Variants in SAMHD1 observed in about 807,000 individuals in gnomAD.
SAMHD1 encodes SAM and HD domain containing deoxynucleoside triphosphate triphosphohydrolase 1, also known as deoxynucleoside triphosphate triphosphohydrolase SAMHD1.
SAMHD1 carries 54 observed loss-of-function variants against 79.6 expected under a neutral mutation model. The observed-to-expected ratio is 0.68, with a 90% CI of 0.55 to 0.85. The LOEUF (loss-of-function observed/expected upper bound fraction) is 0.85. Ranked by LOEUF, SAMHD1 falls within the 40% of genes least tolerant of loss-of-function variation. The pLI is 0.00. For missense variants in SAMHD1, 663 were observed against 782.7 expected, an observed-to-expected ratio of 0.85 and a Z score of 1.82; for synonymous variants, 260 against 264.1, an observed-to-expected ratio of 0.98 and a Z score of 0.15.
rs372506100 is a variant in SAMHD1 at position 36,927,244 on chromosome 20, G to T, written c.634C>A (p.Pro212Thr). The T allele has an allele frequency of 6.2e-7, 1 of 1,613,150 alleles. No individual in the cohort carries two copies. The highest frequency in any genetic ancestry group is 8.5e-7 in the Non-Finnish European group (1 of 1,179,686). The change falls in exon 6 of 16, where the codon CCA becomes ACA. Residue 212 changes from proline to threonine, a missense_variant. By Grantham distance (38) the Pro-to-Thr change is conservative. Coordinates refer to ENST00000646673, the MANE Select transcript of SAMHD1 (RefSeq NM_015474.4). ...AGLCHDLGHG[P>T]FSHMFDGRFI... is the part of the protein sequence containing the mutation. The stretch of plus-strand genomic sequence containing the variant: ...CGTCCATCAAACATGTGAGAAAATG[G>T]CCCATGACCTTAAAAACAAAAGCAG...
Position 36,911,262 on chromosome 20 carries a change from A to C in SAMHD1, c.1226T>G (p.Ile409Ser), listed in dbSNP as rs1298983269. The C allele has an allele frequency of 6.2e-7, 1 of 1,613,472 alleles. No individual in the cohort carries two copies. Among genetic ancestry groups the C allele is most frequent in the African/African-American group, 1.3e-5 (1 of 75,054 alleles). The change falls in exon 11 of 16, where the codon ATT becomes AGT. Residue 409 changes from isoleucine to serine, a missense_variant. Coordinates refer to ENST00000646673, the MANE Select transcript of SAMHD1 (RefSeq NM_015474.4). Reference protein sequence around the residue: ...ITGAGGKKYRISTAIDDMEAY... With the variant: ...ITGAGGKKYRSSTAIDDMEAY... ...TTCCATGTCGTCAATTGCTGTAGAAATGCGATACTTTTTTCCTCCAGCACC... is the reference window on the plus strand; with the variant it reads ...TTCCATGTCGTCAATTGCTGTAGAACTGCGATACTTTTTTCCTCCAGCACC...
Position 36,890,402 on chromosome 20 carries a change from C to CTTTCTTTCTTTCTTTCT in SAMHD1, c.*2513_*2529dup, listed in dbSNP as rs1423754211. ...ATAGCAAAGATATTTCTTTCTCTTTCTTTCTTTCTTTCTTTCTTTTCTTTC... is the reference window on the plus strand; with the variant it reads ...ATAGCAAAGATATTTCTTTCTCTTTCTTTCTTTCTTTCTTTCTTTTCTTTCTTTCTTTCTTTTCTTTC... On this transcript the variant is annotated 3_prime_UTR_variant, in exon 16 of 16. Transcript: ENST00000646673. The CTTTCTTTCTTTCTTTCT allele has an allele frequency of 2.0e-5, 3 of 148,490 alleles. No homozygotes were observed. In the Admixed American group the frequency reaches 2.1e-4, roughly 10 times the overall value. 9.2% of individuals were successfully genotyped at this position (148,490 alleles called of 1,614,324 possible).
chr20:36,950,889 A>G (rs1164042416), intron 1 of SAMHD1, among the ~76,000 whole-genome samples: 2 of 152,184 alleles, frequency 1.3e-5, no homozygotes, highest in African/African-American at 4.8e-5. Context: ...ACCGAAACCT[A>G]AAAGCCCCAG....
intron 4 of SAMHD1, chr20:36,934,517 CAAAAAAA>C: frequency 2.0e-5 from 1 of 49,586 alleles, no homozygotes; most frequent in Admixed American, 3.4e-4. Context: ...GACTCTGTCT[CAAAAAAA>C]AAAAAAAAAA....
intron 2 of SAMHD1, among the ~76,000 whole-genome samples, chr20:36,943,132 G>C (rs1265766358): frequency 6.6e-6 from 1 of 152,108 alleles, no homozygotes; most frequent in Non-Finnish European, 1.5e-5. Context: ...GGTCTAGGGA[G>C]GGTAAAATAG....
At chr20:36,948,887 G>T (rs4812611) in intron 1 of SAMHD1, among the ~76,000 whole-genome samples, 1 of 18,678 alleles carries the variant, frequency 5.4e-5, no homozygotes, top group Non-Finnish European at 8.9e-5. Flanking sequence ...AAAAAGAAAA[G>T]AAAAAAAGAA....
chr20:36,927,101 G>A, intron 6 of SAMHD1, 81 bp downstream of exon 6: 2 of 1,244,510 alleles, frequency 1.6e-6, no homozygotes, highest in Non-Finnish European at 2.4e-6. Flanking sequence ...ACACAGTAGT[G>A]GAACCAAACA....
At chr20:36,941,753 A>G (rs2063645399) in intron 2 of SAMHD1, among the ~76,000 whole-genome samples, 1 of 152,068 alleles carries the variant, frequency 6.6e-6, no homozygotes, top group South Asian at 2.1e-4. Flanking sequence ...GATTGAAAAA[A>G]AAGTATCTTT....
chr20:36,927,907 G>A (rs1162749976), intron 5 of SAMHD1, among the ~76,000 whole-genome samples: 8 of 152,160 alleles, frequency 5.3e-5, no homozygotes, highest in Admixed American at 3.3e-4. Flanking sequence ...ATGCACTGCA[G>A]CCTTGGACTC....
At position 36,898,023 on chromosome 20, in the gene SAMHD1, C is replaced by T. The variant is rs147983642; in HGVS notation, c.1609-64G>A. ...CACACATTGGAGATATCAGCTGGTCCCTAGGCTCCTAACTATTCCTTTTTT... is the reference window on the plus strand; with the variant it reads ...CACACATTGGAGATATCAGCTGGTCTCTAGGCTCCTAACTATTCCTTTTTT... On this transcript the variant is annotated intron_variant, in intron 14 of 15. Transcript: ENST00000646673. 5.0e-6 allele frequency: 8 copies of T among 1,589,852 alleles called. No individual in the cohort carries two copies. In the African/African-American group the frequency reaches 8.1e-5, roughly 16 times the overall value.
At chr20:36,914,238 C>T (rs2148367235) in intron 9 of SAMHD1, among the ~76,000 whole-genome samples, 1 of 152,248 alleles carries the variant, frequency 6.6e-6, no homozygotes, top group East Asian at 1.9e-4. Context: ...TAAGACCAAT[C>T]CCTCCTGTTC....
In SAMHD1 at chr20:36,946,916, G is replaced by A. The variant is rs751257488; in HGVS notation, c.209-112C>T. 13 of 774,046 alleles carry A rather than the reference G, an allele frequency of 1.7e-5. 1 individual carries two copies. The highest frequency in any genetic ancestry group is 1.5e-4 in the South Asian group (10 of 65,246). 47.9% of individuals were successfully genotyped at this position (774,046 alleles called of 1,614,324 possible). ...CCACATAAGTGAGTACCCACTGCAG[G>A]CAATGGATTGTGCCAAGTACCACTT... On this transcript the variant is annotated intron_variant, in intron 1 of 15. Transcript: ENST00000646673.
At chr20:36,921,283 C>T (rs2063501992) in intron 6 of SAMHD1, among the ~76,000 whole-genome samples, 1 of 149,822 alleles carries the variant, frequency 6.7e-6, no homozygotes, top group African/African-American at 2.5e-5. Context: ...GTCCCAGCTA[C>T]TCAGGAGGCT....
chr20:36,926,411 T>C (rs2063536701), intron 6 of SAMHD1, among the ~76,000 whole-genome samples: 1 of 152,090 alleles, frequency 6.6e-6, no homozygotes, highest in Admixed American at 6.6e-5. Flanking sequence ...CAGAAGGTGA[T>C]GGTGGGGTGA....
At chr20:36,934,987 A>G in intron 4 of SAMHD1, 42 bp downstream of exon 4, 1 of 1,595,968 alleles carries the variant, frequency 6.3e-7, no homozygotes, top group Non-Finnish European at 8.6e-7. Context: ...GACAGAGAAA[A>G]TACTTAAAAA....
chr20:36,949,755 C>CA (rs34682795), intron 1 of SAMHD1, among the ~76,000 whole-genome samples: 943 of 69,494 alleles, frequency 0.014, 18 homozygotes, highest in Middle Eastern at 0.053. Flanking sequence ...GACTCTGTCT[C>CA]AAAAAAAAAA....
chr20:36,896,881 C>A (rs144668011), intron 15 of SAMHD1, among the ~76,000 whole-genome samples: 1 of 45,384 alleles, frequency 2.2e-5, no homozygotes, highest in Non-Finnish European at 6.7e-5. Context: ...GAATTTTCTA[C>A]CCTGACAGGT....
chr20:36,948,237 A>T (rs2063707746), intron 1 of SAMHD1, among the ~76,000 whole-genome samples: 1 of 151,312 alleles, frequency 6.6e-6, no homozygotes, highest in Non-Finnish European at 1.5e-5. Flanking sequence ...AAAAAAATGG[A>T]CTTAGATAAA....
chr20:36,897,654 GAC>G, intron 15 of SAMHD1, 166 bp downstream of exon 15: 1 of 742,500 alleles, frequency 1.3e-6, no homozygotes, highest in Non-Finnish European at 2.3e-6. Context: ...ATCACTGGCT[GAC>G]ACAGATTCAG....
Sources: gnomAD v4.1 joint callset for allele counts (sites outside exome capture counted in the v4.1 genomes callset) on GRCh38, gnomAD v4.1.1 for gene constraint, MANE v1.5 for transcripts, NCBI Gene and HGNC (gene_info 2026-07-23, HGNC 2026-07-21) for gene names.